The following FRAS1 variants were observed in gnomAD, a reference collection of about 807,000 sequenced individuals.
FRAS1 encodes the protein Fraser extracellular matrix complex subunit 1.
FRAS1 carries 290 observed loss-of-function variants against 435.2 expected under a neutral mutation model. The observed-to-expected ratio is 0.67, with a 90% CI of 0.61 to 0.73. FRAS1 has a LOEUF of 0.73. Ranked by LOEUF, FRAS1 falls within the 30% of genes least tolerant of loss-of-function variation. The pLI is 0.00. For synonymous variants in FRAS1, 1,800 were observed against 1,851.0 expected (o/e 0.97, Z 0.71); for missense variants, 4,860 against 5,001.5 (o/e 0.97, Z 0.85).
At chr4:78,519,289 C>G in intron 66 of FRAS1, 42 bp from the exon 67 acceptor site, 2 of 1,451,288 alleles carry the variant, frequency 1.4e-6, no homozygotes, top group South Asian at 1.6e-5. Context: ...CTTTTCATCC[C>G]AGGGGAGAAA....
At chr4:78,538,877 C>T (rs1450803246) in intron 72 of FRAS1, among the ~76,000 whole-genome samples, 1 of 151,128 alleles carries the variant, frequency 6.6e-6, no homozygotes, top group Non-Finnish European at 1.5e-5. Context: ...ATGGCATGAA[C>T]CCAGGAGGTG....
chr4:78,345,022 C>T (rs1481549982), intron 20 of FRAS1, among the ~76,000 whole-genome samples: 1 of 152,112 alleles, frequency 6.6e-6, no homozygotes, highest in Admixed American at 6.5e-5. Flanking sequence ...ATTTTTAATG[C>T]CTAAGTCATA....
intron 4 of FRAS1, among the ~76,000 whole-genome samples, chr4:78,246,888 A>T (rs908165970): frequency 6.6e-6 from 1 of 152,184 alleles, no homozygotes; most frequent in Non-Finnish European, 1.5e-5. Context: ...AGTCTTCTTA[A>T]TTTAAGATGC....
intron 61 of FRAS1, among the ~76,000 whole-genome samples, chr4:78,506,320 C>T (rs1720839086): frequency 6.6e-6 from 1 of 152,234 alleles, no homozygotes; most frequent in Non-Finnish European, 1.5e-5. Context: ...GCAGAAGTTT[C>T]TGCTGGCTTT....
intron 2 of FRAS1, among the ~76,000 whole-genome samples, chr4:78,073,964 T>C (rs930832830): frequency 6.6e-6 from 1 of 152,168 alleles, no homozygotes; most frequent in African/African-American, 2.4e-5. Flanking sequence ...AATGATTTCT[T>C]AGGTTCCCAG....
intron 2 of FRAS1, among the ~76,000 whole-genome samples, chr4:78,120,378 C>G (rs780649426): frequency 2.4e-4 from 36 of 152,146 alleles, no homozygotes; most frequent in Non-Finnish European, 4.3e-4. Context: ...TAGAGTTGTC[C>G]AAGAAATAGC....
chr4:78,400,884 T>A lies in FRAS1; in HGVS notation c.4126T>A (p.Phe1376Ile), dbSNP rs1427290379. 1 of 1,613,516 alleles carries A rather than the reference T, an allele frequency of 6.2e-7. No homozygotes were observed. The highest frequency in any genetic ancestry group is 8.5e-7 in the Non-Finnish European group (1 of 1,179,684). ...IYKITQDYPQFGEVVLLVNMP... is the reference protein window; with the variant it reads ...IYKITQDYPQIGEVVLLVNMP... ...CAAGATTACACAAGACTACCCCCAG[T>A]TTGGTAACTATTTTTTCCTTTGGCG... Residue 1376 changes from phenylalanine (F) to isoleucine (I), a missense_variant, in exon 30 of 74, where the codon TTT becomes ATT. Coordinates refer to ENST00000512123, the MANE Select transcript of FRAS1 (RefSeq NM_025074.7).
intron 14 of FRAS1, among the ~76,000 whole-genome samples, chr4:78,305,727 C>T (rs1255241865): frequency 6.6e-6 from 1 of 151,984 alleles, no homozygotes; most frequent in Non-Finnish European, 1.5e-5. Flanking sequence ...AGATCTTTCT[C>T]TATCCTTTTA....
Position 78,325,879 on chromosome 4 carries a change from G to A in FRAS1, c.2137+6893G>A, listed in dbSNP as rs1278955685. ...TTGAAGGATTAATGGGAGTTCACCA[G>A]GTGAAGAAGGTGAGAAAGGGCATTC... On this transcript the variant is annotated intron_variant, in intron 18 of 73. Transcript: ENST00000512123. Among the ~76,000 whole-genome samples, 4 of 152,332 alleles carry A rather than the reference G, an allele frequency of 2.6e-5. No individual in the cohort carries two copies. In the East Asian group the frequency reaches 5.8e-4, roughly 22 times the overall value.
rs562490098 is a variant in FRAS1, at chr4:78,491,451, C to T, written c.8958+2371C>T. Reference sequence around the variant, plus strand: ...CCAGCAGCACATCAAAAAGTTTATCCACCACGATCAAGTTGGCTGCATCCC... The same window carrying T: ...CCAGCAGCACATCAAAAAGTTTATCTACCACGATCAAGTTGGCTGCATCCC... On this transcript the variant is annotated intron_variant, in intron 59 of 73. Coordinates refer to ENST00000512123, the MANE Select transcript of FRAS1 (RefSeq NM_025074.7). Among the ~76,000 whole-genome samples, 3 of 152,244 alleles carry T rather than the reference C, an allele frequency of 2.0e-5. No homozygotes were observed. The South Asian group carries it at 6.2e-4, about 32-fold the overall frequency.
At chr4:78,200,560 G>T (rs535553707) in intron 2 of FRAS1, among the ~76,000 whole-genome samples, 5 of 152,206 alleles carry the variant, frequency 3.3e-5, no homozygotes, top group Admixed American at 2.0e-4. Context: ...TTTTCTCTGT[G>T]TTATTTTGAA....
Position 78,387,267 on chromosome 4 carries a change from A to G in FRAS1, c.3649-108A>G, listed in dbSNP as rs1732251239. The G allele has an allele frequency of 3.7e-6, 3 of 814,486 alleles. No individual in the cohort carries two copies. The Admixed American group carries it at 7.8e-5, about 21-fold the overall frequency. 50.5% of individuals were successfully genotyped at this position (814,486 alleles called of 1,614,324 possible). A position where few individuals can be genotyped will look rare whatever the true frequency, so the allele number is the denominator to read the frequency against. On this transcript the variant is annotated intron_variant, in intron 28 of 73. Transcript: ENST00000512123. ...ATAGAACAGTTTGGTGCTTTGCTAG[A>G]ACACTTAGAGTTTCTCAAAAAGTAT...
rs1722043869 is a variant in FRAS1 at position 78,541,309 on chromosome 4, A to G, written c.*185A>G. Reference sequence around the variant, plus strand: ...TCAGCAAAGAACCACTGAGAACCCCAGAGTATTACAGTTATTTCCGTAGAT... The same window carrying G: ...TCAGCAAAGAACCACTGAGAACCCCGGAGTATTACAGTTATTTCCGTAGAT... On this transcript the variant is annotated 3_prime_UTR_variant, in exon 74 of 74. Coordinates refer to ENST00000512123, the MANE Select transcript of FRAS1 (RefSeq NM_025074.7). 2 of 409,598 alleles carry G rather than the reference A, an allele frequency of 4.9e-6. No individual in the cohort carries two copies. Among genetic ancestry groups the G allele is most frequent in the Non-Finnish European group, 8.6e-6 (2 of 232,518 alleles). 25.4% of individuals were successfully genotyped at this position (409,598 alleles called of 1,614,324 possible).
At chr4:78,196,946 A>G (rs1480337861) in intron 2 of FRAS1, among the ~76,000 whole-genome samples, 2 of 152,194 alleles carry the variant, frequency 1.3e-5, no homozygotes, top group African/African-American at 2.4e-5. Flanking sequence ...ATTGGTTGCA[A>G]TGCAGGGAAG....
chr4:78,428,345 C>T (rs917018900), intron 35 of FRAS1, among the ~76,000 whole-genome samples: 18 of 148,796 alleles, frequency 1.2e-4, no homozygotes, highest in Non-Finnish European at 2.1e-4. Context: ...TTTTTTGAGA[C>T]GAAGTCTCGC....
At chr4:78,277,864 T>G (rs1727132427) in intron 9 of FRAS1, among the ~76,000 whole-genome samples, 1 of 151,684 alleles carries the variant, frequency 6.6e-6, no homozygotes, top group Non-Finnish European at 1.5e-5. Flanking sequence ...CAGGCTGGAG[T>G]GCAGTGGCGT....
At position 78,362,039 on chromosome 4, in the gene FRAS1, A is replaced by G. The variant is rs1023078073; in HGVS notation, c.2423-1474A>G. Among the ~76,000 whole-genome samples the G allele has an allele frequency of 4.9e-4, 74 of 152,246 alleles. 1 individual carries two copies. The highest frequency in any genetic ancestry group is 2.9e-4 in the Non-Finnish European group (20 of 68,044). The stretch of plus-strand genomic sequence containing the variant: ...ACACAATCAAGTTCTTTATTAAAGA[A>G]TGACTATTATGTGAGTGAGAACAAG... On this transcript the variant is annotated intron_variant, in intron 20 of 73. Transcript: ENST00000512123.
At chr4:78,532,614 C>T (rs1578377893) in intron 70 of FRAS1, among the ~76,000 whole-genome samples, 1 of 152,126 alleles carries the variant, frequency 6.6e-6, no homozygotes, top group African/African-American at 2.4e-5. Context: ...TTCCCCATAT[C>T]CCCCTCCTCG....
At position 78,181,792 on chromosome 4, in the gene FRAS1, G is replaced by A. The variant is rs1272979274; in HGVS notation, c.109-55718G>A. ...CCTCTTTCTTGTCAACCACGCCAAC[G>A]CTGCGGGGCAGCGGGTTCTTGCGGT... On this transcript the variant is annotated intron_variant, in intron 2 of 73. Transcript: ENST00000512123. 1.5e-5 allele frequency: 24 copies of A among 1,611,748 alleles called. 1 individual carries two copies. Among genetic ancestry groups the A allele is most frequent in the Middle Eastern group, 4.4e-4 (2 of 4,528 alleles).
Sources: allele counts gnomAD v4.1 joint callset (sites outside exome capture counted in the v4.1 genomes callset), GRCh38; gene constraint gnomAD v4.1.1; transcripts MANE v1.5; gene names NCBI Gene and HGNC (gene_info 2026-07-23, HGNC 2026-07-21).